Variants in ABLIM1 observed in about 807,000 individuals in gnomAD.
The protein encoded by ABLIM1 is actin-binding LIM protein 1.
Under a neutral mutation model 107.0 loss-of-function variants are expected in ABLIM1, and 40 were observed. That is an observed-to-expected ratio of 0.37 (90% CI 0.29 to 0.49). The LOEUF (loss-of-function observed/expected upper bound fraction) is 0.49, where lower values mean the gene tolerates loss of function less well. Among genes scored for constraint, ABLIM1 ranks in the 20% least tolerant of loss-of-function variants. The pLI, the probability that ABLIM1 is intolerant of heterozygous loss-of-function variation, is 0.97. For missense variants in ABLIM1, 857 were observed against 1,008.5 expected, an observed-to-expected ratio of 0.85 and a Z score of 2.04; for synonymous variants, 357 against 357.3, an observed-to-expected ratio of 1.00 and a Z score of 0.01.
At chr10:114,634,129 C>CCTTTTTTTTTTTTT (rs1555212577) in intron 1 of ABLIM1, among the ~76,000 whole-genome samples, 1 of 68,298 alleles carries the variant, frequency 1.5e-5, no homozygotes, top group African/African-American at 6.4e-5. Context: ...CTCAATTTTT[C>CCTTTTTTTTTTTTT]TTTTTTTTTT....
chr10:114,646,310 G>A (rs2079011155), intron 1 of ABLIM1, among the ~76,000 whole-genome samples: 1 of 152,170 alleles, frequency 6.6e-6, no homozygotes, highest in Non-Finnish European at 1.5e-5. Context: ...TAAGCCACAA[G>A]ATGAGCATTC....
At chr10:114,625,807 T>C (rs2140534769) in intron 1 of ABLIM1, among the ~76,000 whole-genome samples, 1 of 152,268 alleles carries the variant, frequency 6.6e-6, no homozygotes, top group South Asian at 2.1e-4. Flanking sequence ...AATTTAGCTT[T>C]TCTACATGCT....
intron 1 of ABLIM1, among the ~76,000 whole-genome samples, chr10:114,730,397 CAAAAAA>C (rs59713925): frequency 1.4e-5 from 1 of 73,142 alleles, no homozygotes; most frequent in Admixed American, 1.5e-4. Context: ...AACTCCATCT[CAAAAAA>C]AAAAAAAAAA....
intron 1 of ABLIM1, among the ~76,000 whole-genome samples, chr10:114,693,974 T>C (rs882870): frequency 0.47 from 71,806 of 151,936 alleles, 17,817 homozygotes; most frequent in South Asian, 0.6. Context: ...ATTTTAATCA[T>C]TTTTAAAGTA....
intron 1 of ABLIM1, among the ~76,000 whole-genome samples, chr10:114,749,483 C>CACACA (rs540676948): frequency 6.6e-6 from 1 of 150,584 alleles, no homozygotes; most frequent in Non-Finnish European, 1.5e-5. Context: ...CACACACACA[C>CACACA]ACCACAAAAC....
chr10:114,554,210 C>G (rs1259636610), intron 4 of ABLIM1, among the ~76,000 whole-genome samples: 2 of 152,144 alleles, frequency 1.3e-5, no homozygotes, highest in Non-Finnish European at 2.9e-5. Context: ...ACTCCCCACC[C>G]CCTGTCCAAA....
intron 1 of ABLIM1, among the ~76,000 whole-genome samples, chr10:114,752,907 G>A (rs997900442): frequency 3.9e-5 from 6 of 152,206 alleles, no homozygotes; most frequent in Non-Finnish European, 8.8e-5. Context: ...ATATATGCGT[G>A]CAACAGATTT....
At chr10:114,449,957 T>C (rs1370559951) in intron 14 of ABLIM1, 2 of 180,194 alleles carry the variant, frequency 1.1e-5, no homozygotes, top group African/African-American at 4.8e-5. Context: ...AGAAGTCAAC[T>C]AATTCCTTCC....
the ABLIM1 span, among the ~76,000 whole-genome samples, chr10:114,776,379 C>G: frequency 6.6e-6 from 1 of 152,096 alleles, no homozygotes; most frequent in African/African-American, 2.4e-5. Context: ...CTTTGGGAGG[C>G]TGAGGCAGGC....
intron 12 of ABLIM1, among the ~76,000 whole-genome samples, chr10:114,457,737 T>C (rs775904999): frequency 1.4e-4 from 22 of 152,244 alleles, no homozygotes; most frequent in Non-Finnish European, 2.5e-4. Context: ...ATCATCATCG[T>C]TGTCATCATC....
At chr10:114,714,728 A>T (rs2081623879) in intron 1 of ABLIM1, among the ~76,000 whole-genome samples, 1 of 152,258 alleles carries the variant, frequency 6.6e-6, no homozygotes. Context: ...GGAAGTCAAT[A>T]GCAGATTATG....
rs187728306 is a variant in ABLIM1 at position 114,607,100 on chromosome 10, G to T, written c.245-5139C>A. On this transcript the variant is annotated intron_variant, in intron 1 of 22. Coordinates refer to ENST00000533213, the MANE Select transcript of ABLIM1 (RefSeq NM_002313.7). ...ATTTTTCGAGACTGAGTTTCACTCT[G>T]TCACCAGGCTGGAATGCAGTGGTGC... Among the ~76,000 whole-genome samples, 40 of 152,184 alleles carry T rather than the reference G, an allele frequency of 2.6e-4. 1 individual carries two copies. The highest frequency in any genetic ancestry group is 2.1e-3 in the Admixed American group (32 of 15,276).
intron 6 of ABLIM1, chr10:114,501,937 A>G (rs1286428017): frequency 6.6e-6 from 1 of 152,236 alleles, no homozygotes; most frequent in Non-Finnish European, 1.5e-5. Flanking sequence ...CCATCATTAT[A>G]GTATCATATG....
intron 7 of ABLIM1, among the ~76,000 whole-genome samples, chr10:114,491,012 G>GTGTGTGTGTGTATGTATATATATATA: frequency 1.1e-5 from 1 of 92,396 alleles, no homozygotes; most frequent in African/African-American, 4.6e-5. Context: ...GTGTGTGTGT[G>GTGTGTGTGTGTATGTATATATATATA]TATATATATA....
At chr10:114,515,512 C>T (rs1565746185) in intron 6 of ABLIM1, among the ~76,000 whole-genome samples, 2 of 152,112 alleles carry the variant, frequency 1.3e-5, no homozygotes. Flanking sequence ...ACAGAGCTGA[C>T]GGGATGCTAA....
At chr10:114,598,901 A>G (rs1330703049) in intron 2 of ABLIM1, among the ~76,000 whole-genome samples, 1 of 152,124 alleles carries the variant, frequency 6.6e-6, no homozygotes, top group African/African-American at 2.4e-5. Context: ...TTTGTCACAC[A>G]GGTAAACGTG....
At chr10:114,684,402 C>G (rs992142553) in exon 1 of ABLIM1, 4 of 1,612,570 alleles carry the variant, frequency 2.5e-6, no homozygotes, top group African/African-American at 2.7e-5. Flanking sequence ...ATCTGGCACA[C>G]AGAAAGGCTG....
intron 13 of ABLIM1, among the ~76,000 whole-genome samples, chr10:114,452,896 A>G (rs1421411068): frequency 1.3e-5 from 2 of 152,218 alleles, no homozygotes; most frequent in Non-Finnish European, 2.9e-5. Context: ...AGACCAACCA[A>G]TTCACCCAAT....
chr10:114,550,509 C>T (rs1351331246), intron 4 of ABLIM1, among the ~76,000 whole-genome samples: 1 of 152,102 alleles, frequency 6.6e-6, no homozygotes, highest in Non-Finnish European at 1.5e-5. Flanking sequence ...CAACATCCCC[C>T]ACCAGAGTGG....
Sources: allele counts gnomAD v4.1 joint callset (sites outside exome capture counted in the v4.1 genomes callset), GRCh38; gene constraint gnomAD v4.1.1; transcripts MANE v1.5; gene names NCBI Gene and HGNC (gene_info 2026-07-23, HGNC 2026-07-21).